Variants in CILK1 observed in about 807,000 individuals in gnomAD.
CILK1 encodes the protein ciliogenesis associated kinase 1, also known as serine/threonine-protein kinase ICK.
CILK1 carries 47 observed loss-of-function variants against 79.2 expected under a neutral mutation model. The ratio of observed to expected loss-of-function variants is 0.59; its 90% CI spans 0.47 to 0.76. The LOEUF (loss-of-function observed/expected upper bound fraction) is 0.76, where lower values mean the gene tolerates loss of function less well. Ranked by LOEUF, CILK1 falls within the 30% of genes least tolerant of loss-of-function variation. CILK1 has a pLI of 0.00. For missense variants in CILK1, 660 were observed against 769.5 expected (o/e 0.86, Z 1.68); for synonymous variants, 266 against 275.9 (o/e 0.96, Z 0.36).
chr6:53,043,951 C>A (rs953195573), intron 1 of CILK1, among the ~76,000 whole-genome samples: 3 of 151,174 alleles, frequency 2.0e-5, no homozygotes, highest in Admixed American at 6.6e-5. Context: ...TTTTGTAGGG[C>A]AAATGGGGTT....
intron 1 of CILK1, among the ~76,000 whole-genome samples, chr6:53,052,588 A>G (rs222448): frequency 0.92 from 140,514 of 152,006 alleles, 65,053 homozygotes; most frequent in East Asian, 1. Flanking sequence ...AAAATTAACC[A>G]GGCGTGGTGG....
At chr6:53,051,204 A>C (rs539850810) in intron 1 of CILK1, among the ~76,000 whole-genome samples, 19 of 152,324 alleles carry the variant, frequency 1.2e-4, no homozygotes, top group African/African-American at 4.6e-4. Context: ...AACTACAGCT[A>C]ATTTTTCTTG....
chr6:53,021,565 A>C (rs1261388458), intron 5 of CILK1, among the ~76,000 whole-genome samples: 1 of 152,168 alleles, frequency 6.6e-6, no homozygotes, highest in East Asian at 1.9e-4. Context: ...TAAAGAGAGA[A>C]ACTTATTTTC....
At chr6:53,060,558 TC>T (rs1768357140) in intron 1 of CILK1, among the ~76,000 whole-genome samples, 1 of 152,204 alleles carries the variant, frequency 6.6e-6, no homozygotes, top group Non-Finnish European at 1.5e-5. Context: ...CCTTTCTACA[TC>T]TACTTCTAGT....
In CILK1 at chr6:53,061,772, T is replaced by G. The variant is rs544931327; in HGVS notation, c.-349A>C. 2.6e-5 allele frequency: 4 copies of G among 152,236 alleles called. No individual in the cohort carries two copies. Among genetic ancestry groups the G allele is most frequent in the Non-Finnish European group, 5.9e-5 (4 of 68,084 alleles). The allele number at this position is 152,236 out of a possible 1,614,324, so 9.4% of individuals were successfully genotyped here. On this transcript the variant is annotated 5_prime_UTR_variant, in exon 1 of 14. An upstream start codon of the reference 5' UTR is lost. Transcript: ENST00000676107. ...CGAGTCGCACGGGCCGCACGGCGCA[T>G]GGTAGTGCAGCAGGAACCCGGCCGT...
At position 53,054,969 on chromosome 6, in the gene CILK1, C is replaced by T. The variant is rs557540708; in HGVS notation, c.-173+6627G>A. Among the ~76,000 whole-genome samples, 78 of 152,298 alleles carry T rather than the reference C, an allele frequency of 5.1e-4. No homozygotes were observed. In the South Asian group the frequency reaches 7.7e-3, roughly 15 times the overall value. On this transcript the variant is annotated intron_variant, in intron 1 of 13. Transcript: ENST00000676107. ...TGTAGTTCATTCTTTATTTTGAAAC[C>T]TTAATCAATGAATTAATGCCATCAT... is the stretch of plus-strand genomic sequence containing the variant.
At chr6:53,047,159 A>G (rs1767133965) in intron 1 of CILK1, among the ~76,000 whole-genome samples, 1 of 152,202 alleles carries the variant, frequency 6.6e-6, no homozygotes. Flanking sequence ...TTCCAGGTCT[A>G]ATGTGCAACC....
intron 5 of CILK1, among the ~76,000 whole-genome samples, chr6:53,020,365 C>G (rs1033469093): frequency 6.6e-6 from 1 of 152,176 alleles, no homozygotes; most frequent in Non-Finnish European, 1.5e-5. Flanking sequence ...TAATGTGGCT[C>G]CAAATCTCAA....
rs1763969234 is a variant in CILK1 at position 53,002,073 on chromosome 6, G to A, written c.*3076C>T. 6.6e-6 allele frequency: 1 copy of A among 152,414 alleles called. No homozygotes were observed. Among genetic ancestry groups the A allele is most frequent in the Admixed American group, 6.5e-5 (1 of 15,276 alleles). 9.4% of individuals were successfully genotyped at this position (152,414 alleles called of 1,614,324 possible). On this transcript the variant is annotated 3_prime_UTR_variant, in exon 14 of 14. Transcript: ENST00000676107. ...TTTATTAGATGTATATAGTCCTTTA[G>A]GCAAGAGATACATTTAAAAAATTAT...
chr6:53,048,305 C>T (rs1287590385), intron 1 of CILK1, among the ~76,000 whole-genome samples: 1 of 152,106 alleles, frequency 6.6e-6, no homozygotes, highest in Non-Finnish European at 1.5e-5. Flanking sequence ...GATAATTGTT[C>T]CAAGTGTACA....
chr6:53,016,184 T>G lies in CILK1; in HGVS notation c.730A>C (p.Asn244His). ...TTGGGAATCAAGGTCTTTAAGTTAT[T>G]GGGTACACACTGTGGCCAACGGAAG... ...MNFRWPQCVP[N>H]NLKTLIPNAS... Residue 244 changes from asparagine to histidine, a missense_variant, in exon 8 of 14, where the codon AAT becomes CAT. Transcript: ENST00000676107. 6.2e-7 allele frequency: 1 copy of G among 1,614,112 alleles called. No individual in the cohort carries two copies. The highest frequency in any genetic ancestry group is 8.5e-7 in the Non-Finnish European group (1 of 1,179,950).
rs568437331 is a variant in CILK1, at chr6:53,058,072, A to G, written c.-173+3524T>C. Among the ~76,000 whole-genome samples, 554 of 152,348 alleles carry G rather than the reference A, an allele frequency of 3.6e-3. 2 individuals carry two copies. Among genetic ancestry groups the G allele is most frequent in the African/African-American group, 0.013 (526 of 41,584 alleles). ...CAAGACACTCTTCCTACCCAGGAAGACTTCAACTTTCAAAGCACAGAGAGT... is the reference window on the plus strand; with the variant it reads ...CAAGACACTCTTCCTACCCAGGAAGGCTTCAACTTTCAAAGCACAGAGAGT... On this transcript the variant is annotated intron_variant, in intron 1 of 13. Coordinates refer to ENST00000676107, the MANE Select transcript of CILK1 (RefSeq NM_014920.5).
At chr6:53,018,550 A>G (rs1489183762) in intron 6 of CILK1, 49 bp from the exon 7 acceptor site, 5 of 1,541,298 alleles carry the variant, frequency 3.2e-6, no homozygotes, top group Admixed American at 1.7e-5. Flanking sequence ...CCACTCAGAC[A>G]TTAAATTAAA....
At chr6:53,017,900 G>T (rs765149716) in intron 7 of CILK1, among the ~76,000 whole-genome samples, 7 of 152,216 alleles carry the variant, frequency 4.6e-5, no homozygotes, top group Non-Finnish European at 1.0e-4. Context: ...AAGGAAGCTA[G>T]TAGGGTGTTA....
chr6:53,011,252 C>T (rs1764552452), intron 11 of CILK1, among the ~76,000 whole-genome samples: 2 of 152,072 alleles, frequency 1.3e-5, no homozygotes, highest in Non-Finnish European at 2.9e-5. Context: ...GGAGGCTGGA[C>T]CCAGTTTCCT....
chr6:53,027,171 G>A (rs1369053719), intron 5 of CILK1, among the ~76,000 whole-genome samples: 2 of 152,306 alleles, frequency 1.3e-5, no homozygotes, highest in African/African-American at 4.8e-5. Context: ...GCATAGAAAG[G>A]CAATGGACTA....
At chr6:53,034,707 A>C (rs1766193708) in intron 3 of CILK1, among the ~76,000 whole-genome samples, 1 of 152,210 alleles carries the variant, frequency 6.6e-6, no homozygotes, top group South Asian at 2.1e-4. Context: ...AAACAACCTA[A>C]TTGGAAAGTC....
At chr6:53,045,628 G>A (rs1161990227) in intron 1 of CILK1, among the ~76,000 whole-genome samples, 1 of 152,072 alleles carries the variant, frequency 6.6e-6, no homozygotes, top group Non-Finnish European at 1.5e-5. Flanking sequence ...TAGGTTAGGT[G>A]TATTAAATGT....
chr6:53,010,279 A>G (rs904799696), intron 11 of CILK1, among the ~76,000 whole-genome samples: 1 of 152,130 alleles, frequency 6.6e-6, no homozygotes, highest in Non-Finnish European at 1.5e-5. Flanking sequence ...GTCTAGCAAT[A>G]TTTAGAAGCC....
Sources: gnomAD v4.1 joint callset for allele counts (sites outside exome capture counted in the v4.1 genomes callset) on GRCh38, gnomAD v4.1.1 for gene constraint, MANE v1.5 for transcripts, NCBI Gene and HGNC (gene_info 2026-07-23, HGNC 2026-07-21) for gene names.